Variants in CLIC5 observed in about 807,000 individuals in gnomAD.
The protein encoded by CLIC5 is CLIC family member 5.
CLIC5 carries 20 observed loss-of-function variants against 24.7 expected under a neutral mutation model. The ratio of observed to expected loss-of-function variants is 0.81; its 90% CI spans 0.57 to 1.18. The LOEUF (loss-of-function observed/expected upper bound fraction) is 1.18. Among genes scored for constraint, CLIC5 ranks in the 50% most tolerant of loss-of-function variants. The probability of loss-of-function intolerance (pLI) is 0.00; values close to 1 mark genes in which losing one functional copy is unlikely to be tolerated. For missense variants in CLIC5, 341 were observed against 326.1 expected, an observed-to-expected ratio of 1.05 and a Z score of -0.35; for synonymous variants, 159 against 135.6, an observed-to-expected ratio of 1.17 and a Z score of -1.20.
chr6:45,944,010 C>T (rs920708324), intron 3 of CLIC5, among the ~76,000 whole-genome samples: 1 of 152,114 alleles, frequency 6.6e-6, no homozygotes, highest in Non-Finnish European at 1.5e-5. Flanking sequence ...AATAAGCGGG[C>T]TACAAAGTAC....
exon 1 of CLIC5, chr6:46,079,824 C>G: frequency 1.3e-6 from 2 of 1,552,226 alleles, no homozygotes. Context: ...AATGGTGAAG[C>G]TTGAAGGAGA....
the CLIC5 span, among the ~76,000 whole-genome samples, chr6:46,091,208 C>T: frequency 6.6e-6 from 1 of 152,164 alleles, no homozygotes; most frequent in Admixed American, 6.5e-5. Context: ...ACTTATCCCT[C>T]CTGTCTAACT....
chr6:45,940,590 T>G (rs1451195497), intron 4 of CLIC5, among the ~76,000 whole-genome samples: 1 of 152,212 alleles, frequency 6.6e-6, no homozygotes, highest in Non-Finnish European at 1.5e-5. Flanking sequence ...CTTGTTTTGG[T>G]CCATTGTGCA....
chr6:46,109,862 G>C, the CLIC5 span, among the ~76,000 whole-genome samples: 1 of 146,868 alleles, frequency 6.8e-6, no homozygotes, highest in African/African-American at 2.4e-5. Context: ...TTGCATGTCT[G>C]ACATAATGTA....
chr6:45,990,791 G>C (rs1765909042), intron 1 of CLIC5, among the ~76,000 whole-genome samples: 1 of 152,206 alleles, frequency 6.6e-6, no homozygotes, highest in Non-Finnish European at 1.5e-5. Context: ...ATTTCAGACT[G>C]TCAGCTCCCT....
intron 1 of CLIC5, among the ~76,000 whole-genome samples, chr6:45,982,485 G>C (rs150607571): frequency 4.6e-5 from 7 of 152,208 alleles, no homozygotes; most frequent in Non-Finnish European, 5.9e-5. Context: ...AACCTAGATA[G>C]TTCCAGCCTA....
chr6:45,915,161 C>A (rs13198467), intron 4 of CLIC5, among the ~76,000 whole-genome samples: 1 of 151,836 alleles, frequency 6.6e-6, no homozygotes, highest in South Asian at 2.1e-4. Context: ...ATCTCCTGAC[C>A]TCATGATCGG....
chr6:45,896,107 T>G (rs1031143053), downstream of CLIC5, among the ~76,000 whole-genome samples: 3 of 152,188 alleles, frequency 2.0e-5, no homozygotes, highest in South Asian at 2.1e-4. Context: ...TGCACGTGGA[T>G]GTAGATTTCA....
chr6:46,069,171 G>C (rs1484541098), intron 1 of CLIC5, among the ~76,000 whole-genome samples: 1 of 152,090 alleles, frequency 6.6e-6, no homozygotes, highest in Non-Finnish European at 1.5e-5. Context: ...GGTGAATGAG[G>C]AGTGACAAGT....
At chr6:45,949,455 G>A (rs1581780692) in intron 2 of CLIC5, 74 bp from the exon 3 acceptor site, 2 of 1,507,844 alleles carry the variant, frequency 1.3e-6, no homozygotes, top group Non-Finnish European at 1.8e-6. Flanking sequence ...AAGATTGATT[G>A]TAACTTAGAT....
the CLIC5 span, among the ~76,000 whole-genome samples, chr6:46,086,273 C>G: frequency 1.3e-5 from 2 of 152,234 alleles, no homozygotes; most frequent in African/African-American, 4.8e-5. Flanking sequence ...CACTGTCTGG[C>G]ACTCCCTAGT....
chr6:46,073,542 G>A (rs1336526376), intron 1 of CLIC5, among the ~76,000 whole-genome samples: 2 of 152,176 alleles, frequency 1.3e-5, no homozygotes, highest in Non-Finnish European at 2.9e-5. Flanking sequence ...ATGTCTGTTT[G>A]GTTCTGTTCT....
At chr6:46,085,710 G>T in the CLIC5 span, among the ~76,000 whole-genome samples, 2 of 151,722 alleles carry the variant, frequency 1.3e-5, no homozygotes, top group African/African-American at 2.4e-5. Flanking sequence ...CAGTTAGGCT[G>T]CCCACTTGAG....
the CLIC5 span, among the ~76,000 whole-genome samples, chr6:46,100,085 T>C: frequency 6.6e-6 from 1 of 152,158 alleles, no homozygotes; most frequent in Non-Finnish European, 1.5e-5. Flanking sequence ...GTCCCAGTTT[T>C]AGTTCTGCAA....
the CLIC5 span, among the ~76,000 whole-genome samples, chr6:46,103,423 A>G: frequency 6.6e-6 from 1 of 152,176 alleles, no homozygotes; most frequent in African/African-American, 2.4e-5. Context: ...TGATGCAGCT[A>G]GGTTTTGTCT....
intron 1 of CLIC5, among the ~76,000 whole-genome samples, chr6:46,022,049 T>C (rs896418530): frequency 2.0e-5 from 3 of 152,246 alleles, no homozygotes; most frequent in Non-Finnish European, 2.9e-5. Context: ...CATCTTACCA[T>C]TAATTTCAGA....
chr6:46,112,491 C>T, the CLIC5 span, among the ~76,000 whole-genome samples: 1 of 152,196 alleles, frequency 6.6e-6, no homozygotes, highest in Admixed American at 6.5e-5. Context: ...GGTGTATCGG[C>T]TTCTGAATGC....
intron 4 of CLIC5, among the ~76,000 whole-genome samples, chr6:45,928,840 C>T (rs1763612016): frequency 6.6e-6 from 1 of 151,386 alleles, no homozygotes; most frequent in African/African-American, 2.4e-5. Context: ...TATGTGTAGA[C>T]TGCACAAAGA....
In CLIC5 at chr6:45,967,722, C is replaced by T. The variant is rs572971725; in HGVS notation, c.64-12478G>A. ...TTTGCTTAGCTTCTGGTTAGGGCCT[C>T]AGGAAGCTTATGATCATAGTGGAAA... On this transcript the variant is annotated intron_variant, in intron 1 of 5. Coordinates refer to ENST00000339561, the MANE Select transcript of CLIC5 (RefSeq NM_016929.5). Among the ~76,000 whole-genome samples, 18 of 152,256 alleles carry T rather than the reference C, an allele frequency of 1.2e-4. No individual in the cohort carries two copies. In the South Asian group the frequency reaches 2.9e-3, roughly 25 times the overall value.
Sources: gnomAD v4.1 joint callset for allele counts (sites outside exome capture counted in the v4.1 genomes callset) on GRCh38, gnomAD v4.1.1 for gene constraint, MANE v1.5 for transcripts, NCBI Gene and HGNC (gene_info 2026-07-23, HGNC 2026-07-21) for gene names.